The following TMEM161B variants were observed in gnomAD, a reference collection of about 807,000 sequenced individuals.
TMEM161B encodes the protein transmembrane protein 161B.
A neutral mutation model predicts 61.8 loss-of-function variants in TMEM161B; 34 were observed. That is an observed-to-expected ratio of 0.55 (90% confidence interval 0.42 to 0.73). The LOEUF (loss-of-function observed/expected upper bound fraction) is 0.73. Among genes scored for constraint, TMEM161B ranks in the 30% least tolerant of loss-of-function variants. The pLI is 0.00. For synonymous variants in TMEM161B, 167 were observed against 192.8 expected (o/e 0.87, Z 1.11); for missense variants, 456 against 558.5 (o/e 0.82, Z 1.85).
chr5:88,196,079 T>G lies in TMEM161B; in HGVS notation c.*132A>C. On this transcript the variant is annotated 3_prime_UTR_variant, in exon 12 of 12. Coordinates refer to ENST00000296595, the MANE Select transcript of TMEM161B (RefSeq NM_153354.5). ...ACCCTGAGAATACAGAGGAAACATT[T>G]AATACAAGACATTCTGATATGTTTT... The G allele has an allele frequency of 7.0e-7, 1 of 1,435,820 alleles. No homozygotes were observed. The allele number at this position is 1,435,820 out of a possible 1,614,324, so 88.9% of individuals were successfully genotyped here. A position where few individuals can be genotyped will look rare whatever the true frequency, so the allele number is the denominator to read the frequency against.
rs1466943578 is a variant in TMEM161B at position 88,205,817 on chromosome 5, G to A, written c.797C>T (p.Thr266Ile). ...CTTATGTACATTTTCCGCTTACTGT[G>A]TAATTTTTTCTGTTGCCAAATTCAG... ...DALNLATEKI[T>I]QTLLHINFLA... The change falls in exon 8 of 12, where the codon ACA becomes ATA. Residue 266 changes from threonine (T) to isoleucine (I), a missense_variant. Coordinates refer to ENST00000296595, the MANE Select transcript of TMEM161B (RefSeq NM_153354.5). 1 of 1,612,186 alleles carries A rather than the reference G, an allele frequency of 6.2e-7. No homozygotes were observed. Among genetic ancestry groups the A allele is most frequent in the South Asian group, 1.1e-5 (1 of 90,560 alleles).
intron 1 of TMEM161B, chr5:88,250,679 A>G (rs1754221761): frequency 6.6e-6 from 1 of 152,142 alleles, no homozygotes; most frequent in Non-Finnish European, 1.5e-5. Context: ...TCTTCCAGTA[A>G]CTGTTTCTTC....
Position 88,220,727 on chromosome 5 carries a change from GAAAAAAAA to G in TMEM161B, c.290-16_290-9del, listed in dbSNP as rs764112016. 8.0e-5 allele frequency: 48 copies of G among 602,650 alleles called. No individual in the cohort carries two copies. Among genetic ancestry groups the G allele is most frequent in the African/African-American group, 2.2e-4 (6 of 26,780 alleles). 37.3% of individuals were successfully genotyped at this position (602,650 alleles called of 1,614,324 possible). On this transcript the variant is annotated splice_polypyrimidine_tract_variant and intron_variant, in intron 4 of 11. Coordinates refer to ENST00000296595, the MANE Select transcript of TMEM161B (RefSeq NM_153354.5). ...CTGGAAAGTAATGCAATGCTGGAAA[GAAAAAAAA>G]AAAAAAAAAAAAAAAAGGTCAAAAA...
chr5:88,251,314 A>G (rs748846748), intron 1 of TMEM161B, among the ~76,000 whole-genome samples: 8 of 152,118 alleles, frequency 5.3e-5, no homozygotes, highest in Admixed American at 1.3e-4. Flanking sequence ...CTGTAGGAGT[A>G]ACTGGGGAAG....
intron 1 of TMEM161B, among the ~76,000 whole-genome samples, chr5:88,264,711 G>A (rs1561436857): frequency 6.6e-6 from 1 of 152,098 alleles, no homozygotes; most frequent in Non-Finnish European, 1.5e-5. Flanking sequence ...TGATAGACTG[G>A]ATCACAAAAA....
intron 8 of TMEM161B, 115 bp downstream of exon 8, chr5:88,205,699 C>A: frequency 8.2e-7 from 1 of 1,223,110 alleles, no homozygotes. Context: ...AGTGTGACAT[C>A]AAATGGTTAT....
intron 5 of TMEM161B, among the ~76,000 whole-genome samples, chr5:88,217,864 C>A (rs1748183106): frequency 6.9e-6 from 1 of 145,524 alleles, no homozygotes. Flanking sequence ...TGAAAGACAG[C>A]AACCAAACAC....
chr5:88,188,722 C>G (rs1375229801), downstream of TMEM161B, among the ~76,000 whole-genome samples: 2 of 152,166 alleles, frequency 1.3e-5, no homozygotes, highest in Non-Finnish European at 2.9e-5. Flanking sequence ...ATCTTAAGAG[C>G]TGAGCTCCCC....
chr5:88,268,689 G>T (rs757337505), intron 1 of TMEM161B, 32 bp downstream of exon 1: 1 of 1,613,960 alleles, frequency 6.2e-7, no homozygotes. Flanking sequence ...TCGCCCCACC[G>T]TTGTCACTCC....
At chr5:88,242,802 C>G (rs1462904553) in intron 1 of TMEM161B, among the ~76,000 whole-genome samples, 1 of 150,904 alleles carries the variant, frequency 6.6e-6, no homozygotes, top group Admixed American at 6.6e-5. Flanking sequence ...TAAAGACTTT[C>G]AAAAAGAGAC....
downstream of TMEM161B, chr5:88,190,294 T>C (rs1306284833): frequency 1.4e-6 from 1 of 699,988 alleles, no homozygotes; most frequent in Non-Finnish European, 2.6e-6. Flanking sequence ...TGTGTCAGTT[T>C]TGGCAAAGGC....
downstream of TMEM161B, among the ~76,000 whole-genome samples, chr5:88,188,385 C>T (rs758472558): frequency 4.0e-4 from 60 of 151,568 alleles, no homozygotes; most frequent in Middle Eastern, 3.4e-3. Flanking sequence ...CAAAGTGCTG[C>T]GATTACAAGA....
downstream of TMEM161B, among the ~76,000 whole-genome samples, chr5:88,194,883 A>T (rs1385632593): frequency 6.6e-6 from 1 of 152,070 alleles, no homozygotes; most frequent in Non-Finnish European, 1.5e-5. Flanking sequence ...CACATTTTAC[A>T]ATCTTGACCC....
intron 1 of TMEM161B, among the ~76,000 whole-genome samples, chr5:88,244,584 C>CTTTTTTT (rs369319062): frequency 1.7e-5 from 2 of 116,008 alleles, no homozygotes; most frequent in East Asian, 2.6e-4. Context: ...TCCAGCTTTG[C>CTTTTTTT]TTTTTTTTTT....
At position 88,206,179 on chromosome 5, in the gene TMEM161B, A is replaced by G. The variant is rs572421740; in HGVS notation, c.660-225T>C. On this transcript the variant is annotated intron_variant, in intron 7 of 11. Transcript: ENST00000296595. ...TCACAGCAACCTAACCTACACATTC[A>G]ACAGGGAATTGACATATAACTTGGA... Among the ~76,000 whole-genome samples, 38 of 152,242 alleles carry G rather than the reference A, an allele frequency of 2.5e-4. No individual in the cohort carries two copies. The South Asian group carries it at 7.7e-3, about 31-fold the overall frequency.
intron 3 of TMEM161B, among the ~76,000 whole-genome samples, chr5:88,227,274 T>C (rs1174649398): frequency 1.3e-5 from 2 of 152,168 alleles, no homozygotes; most frequent in African/African-American, 2.4e-5. Flanking sequence ...AACTAAAAAC[T>C]AACCTAGATT....
chr5:88,261,464 C>A (rs1755673295), intron 1 of TMEM161B, among the ~76,000 whole-genome samples: 1 of 151,164 alleles, frequency 6.6e-6, no homozygotes, highest in South Asian at 2.1e-4. Flanking sequence ...GCAAAAGACC[C>A]AGAAGAGCCA....
chr5:88,196,134 G>C lies in TMEM161B; in HGVS notation c.*77C>G. ...TTCCCATTGTATTTGCTTTCTTCTGGTTTTCATCAGCCCTTTAAGGGCACA... is the reference window on the plus strand; with the variant it reads ...TTCCCATTGTATTTGCTTTCTTCTGCTTTTCATCAGCCCTTTAAGGGCACA... On this transcript the variant is annotated 3_prime_UTR_variant, in exon 12 of 12. Transcript: ENST00000296595. 1 of 1,503,120 alleles carries C rather than the reference G, an allele frequency of 6.7e-7. No individual in the cohort carries two copies. The highest frequency in any genetic ancestry group is 1.4e-5 in the South Asian group (1 of 71,698). The allele number at this position is 1,503,120 out of a possible 1,614,324, so 93.1% of individuals were successfully genotyped here. A position where few individuals can be genotyped will look rare whatever the true frequency, so the allele number is the denominator to read the frequency against.
intron 4 of TMEM161B, among the ~76,000 whole-genome samples, chr5:88,224,483 T>C (rs1364294588): frequency 2.0e-5 from 3 of 152,228 alleles, no homozygotes; most frequent in African/African-American, 7.2e-5. Context: ...AAAATTGAGA[T>C]ACTACATTTC....
Sources: allele counts gnomAD v4.1 joint callset (sites outside exome capture counted in the v4.1 genomes callset), GRCh38; gene constraint gnomAD v4.1.1; transcripts MANE v1.5; gene names NCBI Gene and HGNC (gene_info 2026-07-23, HGNC 2026-07-21).